Variants in DPP6 observed in about 807,000 individuals in gnomAD.
DPP6 encodes dipeptidyl peptidase like 6.
Under a neutral mutation model 122.6 loss-of-function variants are expected in DPP6, and 69 were observed. The ratio of observed to expected loss-of-function variants is 0.56; its 90% CI spans 0.46 to 0.69. DPP6 has a LOEUF of 0.69. DPP6 is among the 30% of genes least tolerant of loss of function. DPP6 has a pLI of 0.00. For missense variants in DPP6, 928 were observed against 1,116.9 expected (o/e 0.83, Z 2.41); for synonymous variants, 418 against 433.1 (o/e 0.97, Z 0.43).
intron 1 of DPP6, among the ~76,000 whole-genome samples, chr7:154,150,900 C>T (rs1276957087): frequency 2.0e-5 from 3 of 152,226 alleles, no homozygotes; most frequent in African/African-American, 7.2e-5. Flanking sequence ...CCTCCCCACT[C>T]TCCTCTTAAA....
intron 1 of DPP6, among the ~76,000 whole-genome samples, chr7:154,420,580 A>G (rs1282324583): frequency 6.6e-6 from 1 of 152,158 alleles, no homozygotes; most frequent in South Asian, 2.1e-4. Context: ...GAGGAAATAC[A>G]GTCAAAAAAT....
chr7:154,343,669 C>T (rs944209053), intron 1 of DPP6, among the ~76,000 whole-genome samples: 3 of 152,222 alleles, frequency 2.0e-5, no homozygotes, highest in African/African-American at 7.2e-5. Flanking sequence ...CACCCTCTGC[C>T]TCCTGGGTTC....
chr7:154,406,614 A>G (rs1333492420), intron 1 of DPP6, among the ~76,000 whole-genome samples: 2 of 152,220 alleles, frequency 1.3e-5, no homozygotes, highest in East Asian at 3.8e-4. Flanking sequence ...TTATGGTTTC[A>G]TAAATACAAT....
At chr7:154,066,169 C>T (rs887186053) in intron 1 of DPP6, among the ~76,000 whole-genome samples, 1 of 151,516 alleles carries the variant, frequency 6.6e-6, no homozygotes, top group African/African-American at 2.4e-5. Context: ...AAGTGATTCT[C>T]CTGCCTCAGC....
intron 1 of DPP6, among the ~76,000 whole-genome samples, chr7:154,079,329 C>G (rs1803817999): frequency 6.9e-6 from 1 of 145,118 alleles, no homozygotes; most frequent in Non-Finnish European, 1.5e-5. Context: ...GTTACCTGTT[C>G]AGCAGAGATT....
At chr7:154,399,114 C>G (rs1025813302) in intron 1 of DPP6, among the ~76,000 whole-genome samples, 1 of 152,056 alleles carries the variant, frequency 6.6e-6, no homozygotes, top group East Asian at 1.9e-4. Context: ...GCGAGAGAGA[C>G]CAAAGCAACA....
At chr7:153,921,236 A>C (rs1800623469) in intron 1 of DPP6, among the ~76,000 whole-genome samples, 1 of 152,200 alleles carries the variant, frequency 6.6e-6, no homozygotes, top group Admixed American at 6.5e-5. Flanking sequence ...CCCTTGGTGG[A>C]TGCTCGGCAA....
chr7:154,236,914 T>G (rs1801252589), intron 1 of DPP6, among the ~76,000 whole-genome samples: 1 of 152,026 alleles, frequency 6.6e-6, no homozygotes, highest in Non-Finnish European at 1.5e-5. Flanking sequence ...CTCCCCAGCC[T>G]CCATTGCACA....
chr7:154,479,573 AAG>A (rs1491188808), intron 3 of DPP6, among the ~76,000 whole-genome samples: 1 of 109,180 alleles, frequency 9.2e-6, no homozygotes, highest in Non-Finnish European at 2.2e-5. Context: ...AAAAAAAAAA[AAG>A]AAAAGAAAAG....
intron 1 of DPP6, chr7:154,305,054 GCC>G (rs1806189499): frequency 1.1e-5 from 1 of 93,926 alleles, no homozygotes; most frequent in Non-Finnish European, 2.2e-5. Flanking sequence ...CCCAGCCCCA[GCC>G]CCAGCCCCAG....
the DPP6 span, among the ~76,000 whole-genome samples, chr7:153,798,528 G>T: frequency 6.6e-6 from 1 of 152,134 alleles, no homozygotes; most frequent in Non-Finnish European, 1.5e-5. Context: ...GCTACGAGGG[G>T]ATGTGGAGGA....
the DPP6 span, among the ~76,000 whole-genome samples, chr7:153,777,296 G>A: frequency 3.9e-4 from 59 of 152,060 alleles, no homozygotes; most frequent in African/African-American, 9.9e-4. Context: ...TTGTGGTAAT[G>A]CAAAATGTTT....
rs151175918 is a variant in DPP6, at chr7:154,874,526, A to T, written c.1884-1380A>T. 4.1e-3 allele frequency among the ~76,000 whole-genome samples: 631 copies of T among 152,320 alleles called. 5 individuals carry two copies. Among genetic ancestry groups the T allele is most frequent in the African/African-American group, 0.014 (601 of 41,574 alleles). On this transcript the variant is annotated intron_variant, in intron 19 of 25. Coordinates refer to ENST00000377770, the MANE Select transcript of DPP6 (RefSeq NM_130797.4). ...AGTCCCTGAGCCCCTGCTTCAGATT[A>T]AAAAAATCCAAAAGAAAACAAAGGC...
intron 8 of DPP6, among the ~76,000 whole-genome samples, chr7:154,732,031 T>C (rs1163292606): frequency 6.6e-6 from 1 of 151,972 alleles, no homozygotes; most frequent in East Asian, 1.9e-4. Context: ...TTACTCTTTG[T>C]TTTTCTTTTG....
At chr7:154,305,770 T>G (rs10251958) in intron 1 of DPP6, among the ~76,000 whole-genome samples, 1 of 152,084 alleles carries the variant, frequency 6.6e-6, no homozygotes, top group Non-Finnish European at 1.5e-5. Context: ...CTCCTCTCCC[T>G]GGCTTCTCTC....
chr7:154,751,624 A>G (rs1012437028), intron 8 of DPP6, among the ~76,000 whole-genome samples: 9 of 151,986 alleles, frequency 5.9e-5, no homozygotes, highest in Non-Finnish European at 1.0e-4. Context: ...AAAAAAAAAA[A>G]AAAGAAAATG....
intron 1 of DPP6, among the ~76,000 whole-genome samples, chr7:154,286,676 G>C (rs181442057): frequency 6.6e-6 from 1 of 152,058 alleles, no homozygotes; most frequent in Admixed American, 6.6e-5. Context: ...TGACCTTGGG[G>C]GACTGTCCAG....
chr7:154,180,945 TCTTA>T (rs1445150652), intron 1 of DPP6, among the ~76,000 whole-genome samples: 14 of 152,272 alleles, frequency 9.2e-5, no homozygotes, highest in African/African-American at 2.9e-4. Flanking sequence ...AGCCTATAGG[TCTTA>T]CTTACAAGAC....
chr7:154,070,793 A>C, intron 1 of DPP6, among the ~76,000 whole-genome samples: 1 of 152,154 alleles, frequency 6.6e-6, no homozygotes, highest in Middle Eastern at 3.2e-3. Flanking sequence ...GTTCACTCAA[A>C]CCATTCCCAA....
Sources: gnomAD v4.1 joint callset for allele counts (sites outside exome capture counted in the v4.1 genomes callset) on GRCh38, gnomAD v4.1.1 for gene constraint, MANE v1.5 for transcripts, NCBI Gene and HGNC (gene_info 2026-07-23, HGNC 2026-07-21) for gene names.